Variants in SMCHD1 observed in about 807,000 individuals in gnomAD.
The protein encoded by SMCHD1 is structural maintenance of chromosomes flexible hinge domain containing 1.
Under a neutral mutation model 254.7 loss-of-function variants are expected in SMCHD1, and 78 were observed. The ratio of observed to expected loss-of-function variants is 0.31; its 90% CI spans 0.26 to 0.37. SMCHD1 has a LOEUF of 0.37. Ranked by LOEUF, SMCHD1 falls within the 10% of genes least tolerant of loss-of-function variation. The probability of loss-of-function intolerance (pLI) is 1.00; values close to 1 mark genes in which losing one functional copy is unlikely to be tolerated. For synonymous variants in SMCHD1, 766 were observed against 794.9 expected (o/e 0.96, Z 0.61); for missense variants, 1,840 against 2,408.1 (o/e 0.76, Z 4.94).
At chr18:2,661,877 C>A (rs1465179777) in intron 1 of SMCHD1, among the ~76,000 whole-genome samples, 1 of 152,008 alleles carries the variant, frequency 6.6e-6, no homozygotes, top group East Asian at 1.9e-4. Flanking sequence ...TAAAGAAAGG[C>A]CGGGCGCGGT....
chr18:2,792,193 A>G (rs1001391999), intron 45 of SMCHD1, among the ~76,000 whole-genome samples: 1 of 152,232 alleles, frequency 6.6e-6, no homozygotes, highest in Admixed American at 6.5e-5. Context: ...AAGGCTGTCA[A>G]AAACAGATTG....
chr18:2,666,289 A>G (rs1269877845), intron 2 of SMCHD1, 57 bp downstream of exon 2: 6 of 772,348 alleles, frequency 7.8e-6, no homozygotes, highest in East Asian at 5.6e-5. Flanking sequence ...TTTAGTACAT[A>G]TATAGCAATA....
intron 1 of SMCHD1, among the ~76,000 whole-genome samples, chr18:2,658,459 G>A (rs2073139853): frequency 6.6e-6 from 1 of 152,168 alleles, no homozygotes; most frequent in South Asian, 2.1e-4. Flanking sequence ...GGGAACAGAT[G>A]TATTTATTCC....
chr18:2,673,973 A>C, intron 4 of SMCHD1, 42 bp from the exon 5 acceptor site: 1 of 1,535,720 alleles, frequency 6.5e-7, no homozygotes, highest in Non-Finnish European at 8.8e-7. Context: ...TTAAGTATTG[A>C]TTTGACTTTT....
At chr18:2,800,848 G>T (rs886267435) in intron 47 of SMCHD1, 3 of 152,166 alleles carry the variant, frequency 2.0e-5, no homozygotes, top group African/African-American at 7.2e-5. Context: ...TATGAGGGTA[G>T]CCAGCAACGT....
In SMCHD1 at chr18:2,655,810, G is replaced by T; in HGVS notation, c.-266G>T. ...AGGCGCTGGGCCCGGGCCCGGTGAG[G>T]AGCGCGCCGCGCGTCCCCTTCTCCT... is the stretch of plus-strand genomic sequence containing the variant. On this transcript the variant is annotated 5_prime_UTR_variant, in exon 1 of 48. Coordinates refer to ENST00000320876, the MANE Select transcript of SMCHD1 (RefSeq NM_015295.3). 1 of 314,180 alleles carries T rather than the reference G, an allele frequency of 3.2e-6. No homozygotes were observed. Among genetic ancestry groups the T allele is most frequent in the Non-Finnish European group, 5.8e-6 (1 of 172,070 alleles). The allele number at this position is 314,180 out of a possible 1,614,324, so 19.5% of individuals were successfully genotyped here.
In SMCHD1 at chr18:2,707,935, T is replaced by G. The variant is rs1220631668; in HGVS notation, c.2260+15T>G. 7.1e-7 allele frequency: 1 copy of G among 1,402,614 alleles called. No homozygotes were observed. Among genetic ancestry groups the G allele is most frequent in the African/African-American group, 1.5e-5 (1 of 68,928 alleles). The allele number at this position is 1,402,614 out of a possible 1,614,324, so 86.9% of individuals were successfully genotyped here. ...TATTTTACATTGTAAGTATACAAAC[T>G]AATTTAGATCTTTAATATTGTTTTT... On this transcript the variant is annotated intron_variant, in intron 17 of 47. Transcript: ENST00000320876.
At chr18:2,667,808 A>G (rs1223760230) in intron 3 of SMCHD1, among the ~76,000 whole-genome samples, 1 of 152,192 alleles carries the variant, frequency 6.6e-6, no homozygotes, top group Non-Finnish European at 1.5e-5. Context: ...TAAAGTGAAC[A>G]TCTTTTAATA....
At chr18:2,738,947 A>T (rs1158892029) in intron 26 of SMCHD1, among the ~76,000 whole-genome samples, 15 of 152,222 alleles carry the variant, frequency 9.9e-5, no homozygotes, top group Non-Finnish European at 2.2e-4. Flanking sequence ...GAAGGGACAG[A>T]ATTAAGTGAA....
At chr18:2,765,182 A>G (rs2075846238) in intron 37 of SMCHD1, among the ~76,000 whole-genome samples, 1 of 151,904 alleles carries the variant, frequency 6.6e-6, no homozygotes, top group Non-Finnish European at 1.5e-5. Context: ...CTTTTTCATG[A>G]GATGTTCTTT....
rs544821161 is a variant in SMCHD1 at position 2,708,170 on chromosome 18, T to C, written c.2260+250T>C. On this transcript the variant is annotated intron_variant, in intron 17 of 47. Coordinates refer to ENST00000320876, the MANE Select transcript of SMCHD1 (RefSeq NM_015295.3). ...GGCTAAAGTAAAGGCATGATACATA[T>C]ATGTAGAAGAATTTGCAGTAGGAAT... Among the ~76,000 whole-genome samples, 25 of 152,298 alleles carry C rather than the reference T, an allele frequency of 1.6e-4. 1 individual carries two copies. The highest frequency in any genetic ancestry group is 3.4e-3 in the Middle Eastern group (1 of 294).
chr18:2,709,796 A>G (rs1268687093), intron 17 of SMCHD1, among the ~76,000 whole-genome samples: 1 of 152,218 alleles, frequency 6.6e-6, no homozygotes, highest in Non-Finnish European at 1.5e-5. Context: ...AATCCTGGAT[A>G]TTAATCCCTT....
chr18:2,712,638 AAG>A (rs2074706744), intron 17 of SMCHD1, among the ~76,000 whole-genome samples: 1 of 152,204 alleles, frequency 6.6e-6, no homozygotes, highest in African/African-American at 2.4e-5. Context: ...TGCATAAACC[AAG>A]GGACAACTGT....
chr18:2,795,167 C>T (rs981951307), intron 45 of SMCHD1, among the ~76,000 whole-genome samples: 2 of 152,138 alleles, frequency 1.3e-5, no homozygotes, highest in Non-Finnish European at 2.9e-5. Context: ...CATTCTCCTG[C>T]CTCAGCCTCC....
rs147767652 is a variant in SMCHD1 at position 2,692,639 on chromosome 18, TA to T, written c.874-1884del. 6.8e-4 allele frequency among the ~76,000 whole-genome samples: 104 copies of T among 152,378 alleles called. 1 individual carries two copies. The highest frequency in any genetic ancestry group is 2.5e-3 in the African/African-American group (103 of 41,596). ...CTTTTATCATGTTTATCGTATGTCC[TA>T]AAACTACCTTGTTTCCTTTATGCTC... On this transcript the variant is annotated intron_variant, in intron 7 of 47. Coordinates refer to ENST00000320876, the MANE Select transcript of SMCHD1 (RefSeq NM_015295.3).
At chr18:2,795,136 C>T (rs2076237881) in intron 45 of SMCHD1, among the ~76,000 whole-genome samples, 1 of 152,070 alleles carries the variant, frequency 6.6e-6, no homozygotes, top group Admixed American at 6.5e-5. Flanking sequence ...TCACTGCAAG[C>T]TCTGCTTCCC....
At position 2,660,140 on chromosome 18, in the gene SMCHD1, A is replaced by G. The variant is rs180841509; in HGVS notation, c.186+3879A>G. ...GGAGTTAGAGATCAGCTTGGCCAAC[A>G]TGGTGAAACCCCGTCTCTACTAAAA... On this transcript the variant is annotated intron_variant, in intron 1 of 47. Coordinates refer to ENST00000320876, the MANE Select transcript of SMCHD1 (RefSeq NM_015295.3). Among the ~76,000 whole-genome samples, 633 of 152,256 alleles carry G rather than the reference A, an allele frequency of 4.2e-3. 5 individuals are homozygous for G. Among genetic ancestry groups the G allele is most frequent in the African/African-American group, 0.015 (603 of 41,542 alleles).
At chr18:2,742,547 C>A (rs925154063) in intron 28 of SMCHD1, among the ~76,000 whole-genome samples, 1 of 152,140 alleles carries the variant, frequency 6.6e-6, no homozygotes, top group Non-Finnish European at 1.5e-5. Flanking sequence ...TTGAAAAATT[C>A]TTCTGTGCTT....
intron 39 of SMCHD1, 38 bp from the exon 40 acceptor site, chr18:2,771,495 A>G: frequency 1.4e-6 from 2 of 1,437,640 alleles, no homozygotes; most frequent in Middle Eastern, 1.8e-4. Context: ...TTTGGGGGCT[A>G]TCAGAAATTG....
Sources: gnomAD v4.1 joint callset for allele counts (sites outside exome capture counted in the v4.1 genomes callset) on GRCh38, gnomAD v4.1.1 for gene constraint, MANE v1.5 for transcripts, NCBI Gene and HGNC (gene_info 2026-07-23, HGNC 2026-07-21) for gene names.